LYG2: variants seen among roughly 807,000 people sequenced by gnomAD.
LYG2 encodes the protein lysozyme g2, also known as lysozyme g-like protein 2.
Under a neutral mutation model 22.4 loss-of-function variants are expected in LYG2, and 25 were observed. The ratio of observed to expected loss-of-function variants is 1.12; its 90% CI spans 0.81 to 1.56. The LOEUF (loss-of-function observed/expected upper bound fraction) is 1.56, where lower values mean the gene tolerates loss of function less well. Among genes scored for constraint, LYG2 ranks in the 40% most tolerant of loss-of-function variants. LYG2 has a pLI of 0.00. For synonymous variants in LYG2, 88 were observed against 97.0 expected, an observed-to-expected ratio of 0.91 and a Z score of 0.55; for missense variants, 266 against 269.5, an observed-to-expected ratio of 0.99 and a Z score of 0.09.
intron 6 of LYG2, chr2:99,243,399 C>A: frequency 6.5e-7 from 1 of 1,546,732 alleles, no homozygotes; most frequent in African/African-American, 1.4e-5. Context: ...CCTGAAGTCC[C>A]GAAAATACTC....
intron 3 of LYG2, among the ~76,000 whole-genome samples, chr2:99,251,012 C>A (rs763765424): frequency 6.6e-6 from 1 of 152,064 alleles, no homozygotes; most frequent in Non-Finnish European, 1.5e-5. Flanking sequence ...TAAGAAAATA[C>A]AATCGTATAT....
chr2:99,250,392 T>TG (rs2094024039), intron 3 of LYG2, among the ~76,000 whole-genome samples: 1 of 150,284 alleles, frequency 6.7e-6, no homozygotes, highest in Non-Finnish European at 1.5e-5. Flanking sequence ...TTTTTTTTTT[T>TG]GAGACAGAGT....
At chr2:99,254,773 G>A (rs113459502) in intron 2 of LYG2, among the ~76,000 whole-genome samples, 1,738 of 152,188 alleles carry the variant, frequency 0.011, 43 homozygotes, top group African/African-American at 0.04. Context: ...GGGCTCAAGC[G>A]ATCCTCCCAC....
chr2:99,244,024 C>A lies in LYG2; in HGVS notation c.495G>T (p.Thr165=). The change falls in exon 6 of 7, where the codon ACG becomes ACT. Residue 165 remains threonine, a synonymous_variant. Coordinates refer to ENST00000333017, the MANE Select transcript of LYG2 (RefSeq NM_175735.4). Reference sequence around the variant, plus strand: ...CTTTGAGGTGCTGAGCAACACTCCACGTGGGGAATTTTTTCTGGATTGCCT... The same window carrying A: ...CTTTGAGGTGCTGAGCAACACTCCAAGTGGGGAATTTTTTCTGGATTGCCT... The part of the protein sequence containing the change: ...RIKAIQKKFP[T]WSVAQHLKGG... 1 of 1,614,044 alleles carries A rather than the reference C, an allele frequency of 6.2e-7. No homozygotes were observed. Among genetic ancestry groups the A allele is most frequent in the Non-Finnish European group, 8.5e-7 (1 of 1,179,996 alleles).
In LYG2 at chr2:99,242,471, C is replaced by G. The variant is rs1476483355; in HGVS notation, c.532G>C (p.Ala178Pro). The change falls in exon 7 of 7, where the codon GCT (alanine) becomes CCT (proline). Residue 178 changes from alanine to proline, a missense_variant. Transcript: ENST00000333017. ...ATCGCTTCAATTCCTGACTTAAAAGCTGAGAGACCACCTGAAATGAAACAC... is the reference window on the plus strand; with the variant it reads ...ATCGCTTCAATTCCTGACTTAAAAGGTGAGAGACCACCTGAAATGAAACAC... ...VAQHLKGGLS[A>P]FKSGIEAIAT... 6.2e-7 allele frequency: 1 copy of G among 1,606,888 alleles called. No homozygotes were observed. Among genetic ancestry groups the G allele is most frequent in the Non-Finnish European group, 8.5e-7 (1 of 1,174,636 alleles).
rs1574861896 is a variant in LYG2, at chr2:99,244,274, T to C, written c.382-137A>G. On this transcript the variant is annotated intron_variant, in intron 5 of 6. Coordinates refer to ENST00000333017, the MANE Select transcript of LYG2 (RefSeq NM_175735.4). ...AAGAGTCAATTCTATTGTTCTTTCT[T>C]TCATATAGATGAGAGTCAGAGAAAC... 13 of 827,732 alleles carry C rather than the reference T, an allele frequency of 1.6e-5. No homozygotes were observed. In the East Asian group the frequency reaches 3.5e-4, roughly 22 times the overall value. The allele number at this position is 827,732 out of a possible 1,614,324, so 51.3% of individuals were successfully genotyped here.
At position 99,245,318 on chromosome 2, in the gene LYG2, C is replaced by T. The variant is rs772655217; in HGVS notation, c.325G>A (p.Gly109Arg). 26 of 1,612,582 alleles carry T rather than the reference C, an allele frequency of 1.6e-5. No individual in the cohort carries two copies. In the East Asian group the frequency reaches 2.2e-4, roughly 14 times the overall value. ...AAIISRESHG[G>R]SVLQDGWDHR... ...TCCCAGCCGTCTTGCAGGACAGATC[C>T]GCCATGGCTTTCCCTGGAGATGATG... Residue 109 changes from glycine (G) to arginine (R), a missense_variant, in exon 5 of 7, where the codon GGA (glycine) becomes AGA (arginine). Coordinates refer to ENST00000333017, the MANE Select transcript of LYG2 (RefSeq NM_175735.4).
intron 5 of LYG2, 22 bp from the exon 6 acceptor site, chr2:99,244,159 G>A (rs2094011738): frequency 2.5e-6 from 4 of 1,608,982 alleles, no homozygotes; most frequent in Non-Finnish European, 3.4e-6. Context: ...AGATAATAAA[G>A]TCAGCATCTG....
At chr2:99,250,882 G>A (rs957575573) in intron 3 of LYG2, among the ~76,000 whole-genome samples, 17 of 152,336 alleles carry the variant, frequency 1.1e-4, no homozygotes, top group African/African-American at 3.4e-4. Context: ...GTGATGCTAC[G>A]TCCACAGTGG....
chr2:99,259,999 C>A (rs1443472411), upstream of LYG2, among the ~76,000 whole-genome samples: 1 of 142,916 alleles, frequency 7.0e-6, no homozygotes, highest in Non-Finnish European at 1.5e-5. Flanking sequence ...TCACTGTTGT[C>A]AGCCTGGGCT....
chr2:99,243,861 C>T, intron 6 of LYG2, 138 bp downstream of exon 6: 1 of 924,418 alleles, frequency 1.1e-6, no homozygotes, highest in Non-Finnish European at 1.7e-6. Flanking sequence ...TCAGGGAATG[C>T]AAATGCAGCC....
intron 3 of LYG2, among the ~76,000 whole-genome samples, chr2:99,249,426 C>CAAAAAAAAAAAAAAAAA (rs74617660): frequency 1.8e-4 from 17 of 92,588 alleles, no homozygotes; most frequent in Middle Eastern, 7.1e-3. Flanking sequence ...TCTCAAATCT[C>CAAAAAAAAAAAAAAAAA]AAAAAAAAAA....
upstream of LYG2, among the ~76,000 whole-genome samples, chr2:99,259,766 C>T (rs2094043837): frequency 6.6e-6 from 1 of 151,920 alleles, no homozygotes; most frequent in African/African-American, 2.4e-5. Flanking sequence ...TGGATTTCCC[C>T]AGTTTGTTTT....
rs368752128 is a variant in LYG2, at chr2:99,242,414, C to T, written c.589G>A (p.Val197Ile). The change falls in exon 7 of 7, where the codon GTC becomes ATC. Residue 197 changes from valine (V) to isoleucine (I), a missense_variant. Transcript: ENST00000333017. ...TTAGCTCGAGCAATGATATCATTGA[C>T]GAAGTCATTGTCTATGTCCGATGGG... ...ATPSDIDNDF[V>I]NDIIARAKFY... 140 of 1,613,632 alleles carry T rather than the reference C, an allele frequency of 8.7e-5. No individual in the cohort carries two copies. Among genetic ancestry groups the T allele is most frequent in the Middle Eastern group, 3.3e-4 (2 of 6,078 alleles).
At chr2:99,253,304 G>A (rs2094030653) in intron 3 of LYG2, among the ~76,000 whole-genome samples, 1 of 152,006 alleles carries the variant, frequency 6.6e-6, no homozygotes, top group African/African-American at 2.4e-5. Context: ...AGCTAATATG[G>A]TAGCTCATAA....
intron 5 of LYG2, 150 bp from the exon 6 acceptor site, chr2:99,244,287 G>C: frequency 1.3e-6 from 1 of 769,470 alleles, no homozygotes; most frequent in Non-Finnish European, 2.0e-6. Flanking sequence ...ATATAGATGA[G>C]AGTCAGAGAA....
intron 3 of LYG2, among the ~76,000 whole-genome samples, chr2:99,251,631 A>G (rs2094026815): frequency 6.6e-6 from 1 of 152,128 alleles, no homozygotes; most frequent in African/African-American, 2.4e-5. Flanking sequence ...CCTGCCACTG[A>G]AAACACCTGA....
At chr2:99,260,217 C>A (rs1343598083), upstream of LYG2, among the ~76,000 whole-genome samples, 1 of 152,140 alleles carries the variant, frequency 6.6e-6, no homozygotes, top group Non-Finnish European at 1.5e-5. Flanking sequence ...TCTGCCTCAG[C>A]CTGCCAAAGT....
Position 99,245,376 on chromosome 2 carries a change from C to T in LYG2, c.267G>A (p.Gln89=). The change falls in exon 5 of 7, where the codon CAG becomes CAA. Residue 89 remains glutamine (Q), a synonymous_variant. Coordinates refer to ENST00000333017, the MANE Select transcript of LYG2 (RefSeq NM_175735.4). ...PYQTLIKEVG[Q]RHCVDPAVIA... ...TGACAGCAGGGTCCACGCAATGTCT[C>T]TGCCCGACTTCTTTGATCAGAGTCT... is the stretch of plus-strand genomic sequence containing the variant. 1 of 1,613,336 alleles carries T rather than the reference C, an allele frequency of 6.2e-7. No individual in the cohort carries two copies. Among genetic ancestry groups the T allele is most frequent in the Non-Finnish European group, 8.5e-7 (1 of 1,179,644 alleles).
Sources: gnomAD v4.1 joint callset for allele counts (sites outside exome capture counted in the v4.1 genomes callset) on GRCh38, gnomAD v4.1.1 for gene constraint, MANE v1.5 for transcripts, NCBI Gene and HGNC (gene_info 2026-07-23, HGNC 2026-07-21) for gene names.